The following CACNA2D3 variants were observed in gnomAD, a reference collection of about 807,000 sequenced individuals.
CACNA2D3 encodes the protein calcium voltage-gated channel auxiliary subunit alpha2delta 3, also known as voltage-dependent calcium channel subunit alpha-2/delta-3.
In CACNA2D3, 60 loss-of-function variants were observed where a neutral mutation model predicts 160.6. That is an observed-to-expected ratio of 0.37 (90% CI 0.30 to 0.46). The LOEUF is 0.46. Among genes scored for constraint, CACNA2D3 ranks in the 20% least tolerant of loss-of-function variants. The pLI, the probability that CACNA2D3 is intolerant of heterozygous loss-of-function variation, is 1.00. For synonymous variants in CACNA2D3, 558 were observed against 492.9 expected (o/e 1.13, Z -1.75); for missense variants, 1,205 against 1,365.0 (o/e 0.88, Z 1.85).
At chr3:54,745,968 T>G (rs1701746602) in intron 11 of CACNA2D3, among the ~76,000 whole-genome samples, 1 of 152,232 alleles carries the variant, frequency 6.6e-6, no homozygotes, top group African/African-American at 2.4e-5. Context: ...CTTTTGTAAT[T>G]TAATTCAATT....
intron 27 of CACNA2D3, among the ~76,000 whole-genome samples, chr3:54,900,545 C>G (rs1008288311): frequency 7.2e-5 from 11 of 152,146 alleles, no homozygotes; most frequent in Admixed American, 3.3e-4. Context: ...AAGACAGATG[C>G]TGACATAAAA....
chr3:54,560,291 G>A (rs1375239508), intron 5 of CACNA2D3, among the ~76,000 whole-genome samples: 1 of 152,194 alleles, frequency 6.6e-6, no homozygotes. Context: ...ACTGGTATGA[G>A]ACAGTATCTC....
intron 13 of CACNA2D3, among the ~76,000 whole-genome samples, chr3:54,815,887 A>T (rs1200793242): frequency 6.6e-6 from 1 of 152,196 alleles, no homozygotes; most frequent in African/African-American, 2.4e-5. Flanking sequence ...TAATTCTTAG[A>T]TTGGGTATTT....
chr3:54,364,307 T>C (rs923600689), intron 3 of CACNA2D3, among the ~76,000 whole-genome samples: 4 of 152,208 alleles, frequency 2.6e-5, no homozygotes, highest in Non-Finnish European at 2.9e-5. Flanking sequence ...AACAGGGACA[T>C]ACGATTTTAT....
At chr3:54,884,411 A>G (rs2703022) in intron 21 of CACNA2D3, among the ~76,000 whole-genome samples, 96,255 of 152,090 alleles carry the variant, frequency 0.63, 31,286 homozygotes, top group East Asian at 0.88. Context: ...TGATAGGTCT[A>G]GTATTTTGCT....
Position 54,495,127 on chromosome 3 carries a change from G to A in CACNA2D3, c.382-8365G>A, listed in dbSNP as rs112169261. Among the ~76,000 whole-genome samples, 529 of 152,282 alleles carry A rather than the reference G, an allele frequency of 3.5e-3. 6 individuals carry two copies. Among genetic ancestry groups the A allele is most frequent in the Middle Eastern group, 0.014 (4 of 294 alleles). ...GGGGTCCTTCCAATTGGCATTGAGC[G>A]GTTCATGGGCTGGTCAAGGTATTTC... On this transcript the variant is annotated intron_variant, in intron 4 of 37. Coordinates refer to ENST00000474759, the MANE Select transcript of CACNA2D3 (RefSeq NM_018398.3).
intron 11 of CACNA2D3, among the ~76,000 whole-genome samples, chr3:54,729,207 C>G (rs1182950673): frequency 6.6e-6 from 1 of 152,156 alleles, no homozygotes; most frequent in East Asian, 1.9e-4. Flanking sequence ...AGGTGTGAGC[C>G]ACTGCACCCA....
chr3:54,703,797 G>C (rs1044570123), intron 11 of CACNA2D3, among the ~76,000 whole-genome samples: 5 of 152,184 alleles, frequency 3.3e-5, no homozygotes, highest in African/African-American at 1.2e-4. Context: ...GAGCACAAAG[G>C]AAAGTGATGG....
At chr3:54,313,744 A>T (rs1044312709) in intron 2 of CACNA2D3, among the ~76,000 whole-genome samples, 1 of 65,028 alleles carries the variant, frequency 1.5e-5, no homozygotes, top group South Asian at 6.2e-4. Context: ...TGCCCCTCCC[A>T]CCCCACCCCC....
At position 54,163,841 on chromosome 3, in the gene CACNA2D3, A is replaced by T. The variant is rs1185309745; in HGVS notation, c.204+40247A>T. ...ATCTACCTCCAGCACACCAGGCATG[A>T]TGTCAGGTGCAGCAGGAGGTACCTG... is the stretch of plus-strand genomic sequence containing the variant. On this transcript the variant is annotated intron_variant, in intron 2 of 37. Transcript: ENST00000474759. 2.0e-5 allele frequency among the ~76,000 whole-genome samples: 3 copies of T among 152,196 alleles called. No individual in the cohort carries two copies. In the East Asian group the frequency reaches 5.8e-4, roughly 29 times the overall value.
At chr3:54,292,137 C>G (rs1703222873) in intron 2 of CACNA2D3, among the ~76,000 whole-genome samples, 1 of 151,844 alleles carries the variant, frequency 6.6e-6, no homozygotes, top group African/African-American at 2.4e-5. Context: ...TGAAGTTGGA[C>G]CCCTACCTCA....
chr3:54,159,370 A>G (rs977023883), intron 2 of CACNA2D3, among the ~76,000 whole-genome samples: 1 of 152,206 alleles, frequency 6.6e-6, no homozygotes, highest in East Asian at 1.9e-4. Flanking sequence ...TTTGTCATGA[A>G]CATTATGTTT....
intron 26 of CACNA2D3, 137 bp downstream of exon 26, chr3:54,897,007 C>A: frequency 9.5e-7 from 1 of 1,047,724 alleles, no homozygotes; most frequent in Non-Finnish European, 1.4e-6. Flanking sequence ...AATATTGGGT[C>A]AGCCCTGAAC....
chr3:54,816,656 C>T (rs1352453847), intron 13 of CACNA2D3, among the ~76,000 whole-genome samples, 197 bp from the exon 14 acceptor site: 1 of 152,146 alleles, frequency 6.6e-6, no homozygotes, highest in African/African-American at 2.4e-5. Flanking sequence ...CTGTTGATAC[C>T]ACAAATTCAG....
chr3:54,622,202 T>C (rs1699002566), intron 9 of CACNA2D3, among the ~76,000 whole-genome samples: 1 of 152,222 alleles, frequency 6.6e-6, no homozygotes, highest in Non-Finnish European at 1.5e-5. Flanking sequence ...TAAAGCCACT[T>C]GTCTCAGGGG....
intron 4 of CACNA2D3, among the ~76,000 whole-genome samples, chr3:54,492,493 C>CT (rs1230355855): frequency 1.3e-5 from 2 of 152,192 alleles, no homozygotes; most frequent in African/African-American, 4.8e-5. Flanking sequence ...TCCTCACCCT[C>CT]TGAGCAGCTT....
chr3:54,126,732 G>GC (rs1272575897), intron 2 of CACNA2D3, among the ~76,000 whole-genome samples: 4 of 152,144 alleles, frequency 2.6e-5, no homozygotes, highest in African/African-American at 9.7e-5. Context: ...AGAATAGCAG[G>GC]CCCCTGGAGG....
intron 2 of CACNA2D3, among the ~76,000 whole-genome samples, chr3:54,284,682 C>T (rs554780698): frequency 1.0e-3 from 156 of 152,278 alleles, no homozygotes; most frequent in African/African-American, 2.5e-3. Flanking sequence ...AGAGCTCCTT[C>T]GGTACCAGTA....
chr3:54,704,659 CAA>C (rs1325036220), intron 11 of CACNA2D3, among the ~76,000 whole-genome samples: 9 of 152,132 alleles, frequency 5.9e-5, no homozygotes, highest in Non-Finnish European at 1.2e-4. Flanking sequence ...ATCCCTTTAA[CAA>C]GAGGTGTTTA....
Sources: allele counts gnomAD v4.1 joint callset (sites outside exome capture counted in the v4.1 genomes callset), GRCh38; gene constraint gnomAD v4.1.1; transcripts MANE v1.5; gene names NCBI Gene and HGNC (gene_info 2026-07-23, HGNC 2026-07-21).